Variants in EYA1 observed in about 807,000 individuals in gnomAD.
The protein encoded by EYA1 is protein phosphatase EYA1.
In EYA1, 16 loss-of-function variants were observed where a neutral mutation model predicts 82.0. The observed-to-expected ratio is 0.20, with a 90% CI of 0.13 to 0.30. The LOEUF (loss-of-function observed/expected upper bound fraction) is 0.30, where lower values mean the gene tolerates loss of function less well. EYA1 is among the 10% of genes least tolerant of loss of function. The pLI is 1.00. For missense variants in EYA1, 633 were observed against 730.7 expected (o/e 0.87, Z 1.54); for synonymous variants, 261 against 264.4 (o/e 0.99, Z 0.12).
chr8:71,364,985 T>TATATAC (rs1563538598), upstream of EYA1, among the ~76,000 whole-genome samples: 4 of 117,278 alleles, frequency 3.4e-5, no homozygotes, highest in Non-Finnish European at 5.1e-5. Context: ...TATATATATA[T>TATATAC]ACATATACAC....
intron 2 of EYA1, among the ~76,000 whole-genome samples, chr8:71,423,770 C>G (rs968008278): frequency 6.6e-6 from 1 of 152,096 alleles, no homozygotes; most frequent in Non-Finnish European, 1.5e-5. Context: ...AAATAGTTAA[C>G]AGCAAACTAC....
At chr8:71,481,797 C>T (rs1378892827) in intron 2 of EYA1, among the ~76,000 whole-genome samples, 1 of 152,020 alleles carries the variant, frequency 6.6e-6, no homozygotes, top group Non-Finnish European at 1.5e-5. Context: ...GCAATCACAG[C>T]AGGAATTTAA....
chr8:71,513,459 A>G (rs886409313), intron 2 of EYA1, among the ~76,000 whole-genome samples: 4 of 152,104 alleles, frequency 2.6e-5, no homozygotes, highest in Admixed American at 6.6e-5. Context: ...ATTCTTTTTT[A>G]ATTTTTAATT....
At chr8:71,341,284 G>A (rs1346908971) in intron 3 of EYA1, among the ~76,000 whole-genome samples, 1 of 152,206 alleles carries the variant, frequency 6.6e-6, no homozygotes, top group East Asian at 1.9e-4. Context: ...CAATTATGCT[G>A]TAGAGGATCA....
intron 7 of EYA1, 122 bp downstream of exon 7, chr8:71,317,430 T>C (rs1280292800): frequency 2.9e-6 from 3 of 1,026,332 alleles, no homozygotes; most frequent in African/African-American, 3.2e-5. Context: ...GCAGGTGTCC[T>C]GCCTCTAAGC....
intron 2 of EYA1, among the ~76,000 whole-genome samples, chr8:71,356,259 C>T (rs749957575): frequency 4.6e-5 from 7 of 152,142 alleles, no homozygotes; most frequent in Non-Finnish European, 1.0e-4. Flanking sequence ...GAAACTATAG[C>T]CCATAATTAT....
chr8:71,275,972 G>T (rs1379494107), intron 9 of EYA1, among the ~76,000 whole-genome samples: 1 of 152,078 alleles, frequency 6.6e-6, no homozygotes, highest in Admixed American at 6.6e-5. Context: ...AGTCTCTTTG[G>T]AGAACTTCTG....
At chr8:71,477,260 T>C (rs1325712163) in intron 2 of EYA1, among the ~76,000 whole-genome samples, 1 of 152,084 alleles carries the variant, frequency 6.6e-6, no homozygotes, top group Non-Finnish European at 1.5e-5. Context: ...TGTTTTAAAC[T>C]ATCATAAAAG....
intron 3 of EYA1, among the ~76,000 whole-genome samples, chr8:71,347,120 G>A (rs1825816120): frequency 6.6e-6 from 1 of 152,142 alleles, no homozygotes; most frequent in African/African-American, 2.4e-5. Context: ...ATTTCAGCAA[G>A]AACTCAGCTT....
At chr8:71,200,652 A>G (rs1197871962) in intron 17 of EYA1, among the ~76,000 whole-genome samples, 4 of 152,172 alleles carry the variant, frequency 2.6e-5, no homozygotes, top group Non-Finnish European at 5.9e-5. Context: ...GAAACTTCAC[A>G]CTGTAAGACG....
chr8:71,251,325 A>C (rs1813719895), intron 11 of EYA1, among the ~76,000 whole-genome samples: 1 of 152,182 alleles, frequency 6.6e-6, no homozygotes, highest in African/African-American at 2.4e-5. Flanking sequence ...GAAATTGTAC[A>C]TTTACTATAG....
chr8:71,359,486 C>T (rs1827186686), intron 1 of EYA1, among the ~76,000 whole-genome samples: 1 of 152,100 alleles, frequency 6.6e-6, no homozygotes, highest in African/African-American at 2.4e-5. Context: ...GGATGCAGAG[C>T]AAAATTCATG....
At chr8:71,529,876 T>C (rs1481299466) in intron 2 of EYA1, 1 of 152,222 alleles carries the variant, frequency 6.6e-6, no homozygotes, top group Non-Finnish European at 1.5e-5. Context: ...TTTTGTTTTC[T>C]TATGCCAGCT....
At chr8:71,332,233 T>C (rs527245166) in intron 4 of EYA1, among the ~76,000 whole-genome samples, 1 of 152,246 alleles carries the variant, frequency 6.6e-6, no homozygotes, top group Non-Finnish European at 1.5e-5. Context: ...GTGAGTTCTG[T>C]CTTCAACTTT....
intron 11 of EYA1, among the ~76,000 whole-genome samples, chr8:71,250,399 G>A (rs1813609671): frequency 6.6e-6 from 1 of 152,120 alleles, no homozygotes; most frequent in African/African-American, 2.4e-5. Context: ...TCCCCGCTGG[G>A]CCCCTTTCCC....
intron 2 of EYA1, among the ~76,000 whole-genome samples, chr8:71,498,676 C>G (rs1811595991): frequency 6.6e-6 from 1 of 152,166 alleles, no homozygotes. Flanking sequence ...AGATATCAGG[C>G]AGGACCTCAG....
At chr8:71,277,170 T>G (rs7844640) in intron 9 of EYA1, among the ~76,000 whole-genome samples, 3,959 of 143,972 alleles carry the variant, frequency 0.027, 199 homozygotes, top group African/African-American at 0.098. Flanking sequence ...ACAGGACCTT[T>G]CTCTGTCACT....
At chr8:71,225,492 A>G (rs1212069734) in intron 12 of EYA1, among the ~76,000 whole-genome samples, 1 of 152,196 alleles carries the variant, frequency 6.6e-6, no homozygotes, top group African/African-American at 2.4e-5. Flanking sequence ...GGGATAAAAA[A>G]CAAAAGGAGT....
intron 12 of EYA1, among the ~76,000 whole-genome samples, chr8:71,229,301 T>C (rs2128878204): frequency 6.6e-6 from 1 of 152,238 alleles, no homozygotes; most frequent in African/African-American, 2.4e-5. Context: ...CAACCCACAG[T>C]CTCAATAATA....
Sources: allele counts gnomAD v4.1 joint callset (sites outside exome capture counted in the v4.1 genomes callset), GRCh38; gene constraint gnomAD v4.1.1; transcripts MANE v1.5; gene names NCBI Gene and HGNC (gene_info 2026-07-23, HGNC 2026-07-21).